The following CAST variants were observed in gnomAD, a reference collection of about 807,000 sequenced individuals.
CAST encodes the protein calpastatin, also known as MIR583 host.
Under a neutral mutation model 119.6 loss-of-function variants are expected in CAST, and 76 were observed. The observed-to-expected ratio is 0.64, with a 90% CI of 0.53 to 0.77. The LOEUF (loss-of-function observed/expected upper bound fraction) is 0.77, where lower values mean the gene tolerates loss of function less well. Among genes scored for constraint, CAST ranks in the 30% least tolerant of loss-of-function variants. The pLI, the probability that CAST is intolerant of heterozygous loss-of-function variation, is 0.00. For missense variants in CAST, 953 were observed against 946.5 expected (o/e 1.01, Z -0.09); for synonymous variants, 319 against 331.6 (o/e 0.96, Z 0.41).
chr5:96,091,526 G>C, the CAST span, among the ~76,000 whole-genome samples: 1 of 90,546 alleles, frequency 1.1e-5, no homozygotes, highest in Non-Finnish European at 2.1e-5. Flanking sequence ...TTTTTTTTGA[G>C]ATAGGGTCTT....
chr5:96,229,251 G>T, the CAST span, among the ~76,000 whole-genome samples: 3 of 150,616 alleles, frequency 2.0e-5, no homozygotes, highest in South Asian at 2.1e-4. Flanking sequence ...AGTTAGTTAT[G>T]TGAAGGATAC....
chr5:96,265,830 A>C, the CAST span, among the ~76,000 whole-genome samples: 2 of 152,218 alleles, frequency 1.3e-5, no homozygotes, highest in East Asian at 3.9e-4. Flanking sequence ...TCTACAAATA[A>C]ATTTTGCTGT....
At chr5:96,214,379 A>C in the CAST span, among the ~76,000 whole-genome samples, 1 of 152,226 alleles carries the variant, frequency 6.6e-6, no homozygotes. Flanking sequence ...CAATATTTTA[A>C]GTCAAAATTT....
chr5:96,525,405 C>T (rs566160304), upstream of CAST: 2 of 152,164 alleles, frequency 1.3e-5, no homozygotes, highest in South Asian at 4.2e-4. Context: ...GTGTTACAGC[C>T]AGTGATATTG....
Position 96,569,664 on chromosome 5 carries a change from G to A in CAST, c.60+39784G>A, listed in dbSNP as rs145511437. Among the ~76,000 whole-genome samples the A allele has an allele frequency of 2.2e-3, 341 of 152,278 alleles. 2 individuals carry two copies. Among genetic ancestry groups the A allele is most frequent in the Non-Finnish European group, 3.3e-3 (226 of 68,032 alleles). ...TTACTGCTAACCTAGAAATACTAGA[G>A]TTTAGGAAAGTCTCACTTGAAGGGA... On this transcript the variant is annotated intron_variant, in intron 1 of 11. Coordinates refer to the CAST transcript ENST00000505143.
the CAST span, among the ~76,000 whole-genome samples, chr5:96,198,790 G>T: frequency 2.6e-5 from 4 of 152,042 alleles, no homozygotes; most frequent in African/African-American, 9.7e-5. Context: ...CATCATTCCC[G>T]GACCTGTGGA....
At chr5:96,419,282 A>T in the CAST span, among the ~76,000 whole-genome samples, 4 of 148,846 alleles carry the variant, frequency 2.7e-5, no homozygotes, top group Non-Finnish European at 4.4e-5. Context: ...GTATTAAATG[A>T]GTTTATATGT....
In CAST at chr5:96,588,176, TTTTC is replaced by T. The variant is rs1256135385; in HGVS notation, c.60+58316_60+58319del. Among the ~76,000 whole-genome samples, 50 of 143,670 alleles carry T rather than the reference TTTTC, an allele frequency of 3.5e-4. 2 individuals are homozygous for T. The highest frequency in any genetic ancestry group is 1.2e-3 in the African/African-American group (47 of 38,308). 94.3% of individuals were successfully genotyped at this position (143,670 alleles called of 152,430 possible). ...TAAGCCATGTTAAATTCATATATTA[TTTTC>T]TTTCTTTCTTTCTTTCTTTTTTTTT... On this transcript the variant is annotated intron_variant, in intron 1 of 11. Coordinates refer to the CAST transcript ENST00000505143.
chr5:96,226,614 A>G, the CAST span, among the ~76,000 whole-genome samples: 1 of 152,134 alleles, frequency 6.6e-6, no homozygotes, highest in African/African-American at 2.4e-5. Context: ...CCAAGATCAC[A>G]CCACTGCACT....
At chr5:96,408,442 G>A in the CAST span, 20 of 731,986 alleles carry the variant, frequency 2.7e-5, no homozygotes, top group Non-Finnish European at 4.1e-5. Flanking sequence ...CAGCTGATTC[G>A]ATTGCCTACT....
At chr5:96,203,244 T>C in the CAST span, among the ~76,000 whole-genome samples, 2 of 152,032 alleles carry the variant, frequency 1.3e-5, no homozygotes, top group Non-Finnish European at 2.9e-5. Flanking sequence ...GTTTCACCAG[T>C]CTTCTGTTAT....
At chr5:96,719,772 A>C (rs35959356) in intron 3 of CAST, among the ~76,000 whole-genome samples, 40,123 of 152,118 alleles carry the variant, frequency 0.26, 6,062 homozygotes, top group Non-Finnish European at 0.35. Flanking sequence ...AGTGGCAGGC[A>C]CTGCAGTAGA....
chr5:96,681,883 A>G (rs1044885100), intron 2 of CAST, among the ~76,000 whole-genome samples: 12 of 152,114 alleles, frequency 7.9e-5, no homozygotes, highest in Admixed American at 6.6e-5. Flanking sequence ...CTAAACCTAC[A>G]TATGCAATAG....
the CAST span, among the ~76,000 whole-genome samples, chr5:96,193,371 G>A: frequency 6.6e-6 from 1 of 152,124 alleles, no homozygotes; most frequent in Non-Finnish European, 1.5e-5. Context: ...ATACAGATGA[G>A]AATATAGGTA....
chr5:96,342,522 T>C, the CAST span, among the ~76,000 whole-genome samples: 1 of 152,218 alleles, frequency 6.6e-6, no homozygotes, highest in Non-Finnish European at 1.5e-5. Context: ...AGAAGACGCA[T>C]TGCTGCCTGG....
the CAST span, among the ~76,000 whole-genome samples, chr5:96,171,873 G>A: frequency 7.2e-5 from 11 of 152,350 alleles, no homozygotes; most frequent in East Asian, 1.9e-4. Context: ...TCTTTCTCAC[G>A]GAGCAAAGAG....
chr5:96,342,722 T>G, the CAST span, among the ~76,000 whole-genome samples: 1 of 152,226 alleles, frequency 6.6e-6, no homozygotes, highest in Non-Finnish European at 1.5e-5. Flanking sequence ...CTCCTTCTCA[T>G]TGAGATCACC....
chr5:96,438,774 A>C, the CAST span, among the ~76,000 whole-genome samples: 1 of 152,194 alleles, frequency 6.6e-6, no homozygotes, highest in South Asian at 2.1e-4. Context: ...TTGAAAAATA[A>C]TATTTCGGTG....
At chr5:96,578,098 G>A (rs951857681) in intron 1 of CAST, among the ~76,000 whole-genome samples, 26 of 151,968 alleles carry the variant, frequency 1.7e-4, no homozygotes, top group Admixed American at 1.5e-3. Context: ...TTCTTGCCAT[G>A]TGTATTTTGA....
Sources: allele counts gnomAD v4.1 joint callset (sites outside exome capture counted in the v4.1 genomes callset), GRCh38; gene constraint gnomAD v4.1.1; transcripts MANE v1.5; gene names NCBI Gene and HGNC (gene_info 2026-07-23, HGNC 2026-07-21).